Variants in TMEM117 observed in about 807,000 individuals in gnomAD.
The protein encoded by TMEM117 is transmembrane protein 117.
TMEM117 carries 27 observed loss-of-function variants against 52.4 expected under a neutral mutation model. The observed-to-expected ratio is 0.51, with a 90% CI of 0.38 to 0.71. The LOEUF is 0.71. Ranked by LOEUF, TMEM117 falls within the 30% of genes least tolerant of loss-of-function variation. The probability of loss-of-function intolerance (pLI) is 0.00; values close to 1 mark genes in which losing one functional copy is unlikely to be tolerated. For synonymous variants in TMEM117, 215 were observed against 206.3 expected, an observed-to-expected ratio of 1.04 and a Z score of -0.36; for missense variants, 556 against 630.5, an observed-to-expected ratio of 0.88 and a Z score of 1.26.
chr12:44,269,768 A>C (rs1950424447), intron 5 of TMEM117, among the ~76,000 whole-genome samples: 1 of 152,114 alleles, frequency 6.6e-6, no homozygotes, highest in South Asian at 2.1e-4. Context: ...GTCAAAACAG[A>C]TACTTATGTT....
intron 5 of TMEM117, among the ~76,000 whole-genome samples, chr12:44,246,532 A>G (rs990352672): frequency 4.6e-5 from 7 of 152,208 alleles, no homozygotes; most frequent in Admixed American, 1.3e-4. Context: ...GTTTAGTGTC[A>G]TCATTTAGAC....
intron 6 of TMEM117, among the ~76,000 whole-genome samples, chr12:44,328,993 G>A (rs1726886): frequency 0.67 from 100,767 of 151,112 alleles, 34,980 homozygotes; most frequent in East Asian, 0.9. Flanking sequence ...CACATGGGTC[G>A]CAGAAGGGAC....
At chr12:44,026,424 C>G (rs1946534310) in intron 3 of TMEM117, among the ~76,000 whole-genome samples, 5 of 152,176 alleles carry the variant, frequency 3.3e-5, no homozygotes, top group Admixed American at 2.6e-4. Flanking sequence ...TGGGTTTCCA[C>G]GTGCCTCCAA....
chr12:43,946,378 G>GTTTTTT (rs1244597058), intron 3 of TMEM117, among the ~76,000 whole-genome samples: 10 of 113,464 alleles, frequency 8.8e-5, no homozygotes, highest in South Asian at 5.0e-4. Context: ...ATATAATTCT[G>GTTTTTT]TTTTTTTTTT....
chr12:43,812,538 A>G, the TMEM117 span, among the ~76,000 whole-genome samples: 3 of 152,210 alleles, frequency 2.0e-5, no homozygotes, highest in Non-Finnish European at 4.4e-5. Flanking sequence ...GAAATGTCAA[A>G]TTCTTGTTTT....
intron 6 of TMEM117, among the ~76,000 whole-genome samples, chr12:44,374,616 TTGTGTGTG>T (rs5742462): frequency 0.023 from 3,335 of 144,874 alleles, 110 homozygotes; most frequent in African/African-American, 0.079. Context: ...AAGGAACTAT[TTGTGTGTG>T]TGTGTGTGTG....
chr12:44,151,351 C>CT (rs57930762), intron 4 of TMEM117, among the ~76,000 whole-genome samples: 2,486 of 138,948 alleles, frequency 0.018, 66 homozygotes, highest in African/African-American at 0.054. Context: ...ATGGAATTTT[C>CT]TTTTTTTTTT....
chr12:43,939,800 A>G (rs977856419), intron 2 of TMEM117, among the ~76,000 whole-genome samples: 2 of 152,154 alleles, frequency 1.3e-5, no homozygotes, highest in Non-Finnish European at 2.9e-5. Flanking sequence ...TATACCTAAG[A>G]CTGGGTAATT....
intron 4 of TMEM117, among the ~76,000 whole-genome samples, chr12:44,151,909 A>G (rs1004978379): frequency 8.1e-4 from 104 of 127,880 alleles, no homozygotes; most frequent in Admixed American, 2.9e-3. Flanking sequence ...CATTTAATAT[A>G]TAATATATAT....
intron 3 of TMEM117, among the ~76,000 whole-genome samples, chr12:44,071,951 T>G (rs1057060923): frequency 6.6e-6 from 1 of 152,196 alleles, no homozygotes; most frequent in African/African-American, 2.4e-5. Context: ...CATCCAGGCT[T>G]CTTTGATGTA....
chr12:44,135,045 ACT>A (rs1948469884), intron 3 of TMEM117, among the ~76,000 whole-genome samples: 1 of 151,392 alleles, frequency 6.6e-6, no homozygotes, highest in Admixed American at 6.6e-5. Flanking sequence ...TGCCACTCTC[ACT>A]CTCTTTCCTT....
At chr12:43,907,733 A>C (rs1233532148) in intron 2 of TMEM117, among the ~76,000 whole-genome samples, 2 of 151,946 alleles carry the variant, frequency 1.3e-5, no homozygotes, top group Non-Finnish European at 2.9e-5. Context: ...ATCAACTGGA[A>C]GAAAGAGTAT....
intron 5 of TMEM117, among the ~76,000 whole-genome samples, chr12:44,231,280 T>C (rs1949929390): frequency 6.6e-6 from 1 of 151,956 alleles, no homozygotes; most frequent in Admixed American, 6.6e-5. Flanking sequence ...ATAATAATGT[T>C]TGTAATGTTT....
chr12:44,219,505 T>A (rs17094298), intron 5 of TMEM117, among the ~76,000 whole-genome samples: 15,758 of 152,150 alleles, frequency 0.1, 924 homozygotes, highest in Middle Eastern at 0.2. Flanking sequence ...ATAGTTCAAT[T>A]TGCCAGTAAA....
intron 3 of TMEM117, among the ~76,000 whole-genome samples, chr12:44,043,718 C>T (rs541022752): frequency 2.6e-5 from 4 of 152,136 alleles, no homozygotes; most frequent in African/African-American, 9.6e-5. Flanking sequence ...CCCAGTGGGC[C>T]CCTGGAAGTG....
chr12:43,813,248 T>G, the TMEM117 span, among the ~76,000 whole-genome samples: 10 of 137,736 alleles, frequency 7.3e-5, no homozygotes, highest in African/African-American at 1.6e-4. Context: ...TTTTTTTTTT[T>G]TTTTTTTTTT....
chr12:44,092,008 AG>A (rs1331001874), intron 3 of TMEM117, among the ~76,000 whole-genome samples: 1 of 152,160 alleles, frequency 6.6e-6, no homozygotes, highest in Non-Finnish European at 1.5e-5. Context: ...AGAACTGATG[AG>A]GGGGGAAAAA....
intron 3 of TMEM117, among the ~76,000 whole-genome samples, chr12:44,103,460 T>G (rs1423493278): frequency 6.6e-6 from 1 of 151,984 alleles, no homozygotes; most frequent in Non-Finnish European, 1.5e-5. Flanking sequence ...TTGTACTTGT[T>G]TCTTATATTA....
chr12:44,350,468 T>C (rs1022846231), intron 6 of TMEM117, among the ~76,000 whole-genome samples: 14 of 152,040 alleles, frequency 9.2e-5, no homozygotes, highest in Non-Finnish European at 2.1e-4. Flanking sequence ...CCTGTTTTGC[T>C]GTCAAACTAG....
Sources: gnomAD v4.1 joint callset for allele counts (sites outside exome capture counted in the v4.1 genomes callset) on GRCh38, gnomAD v4.1.1 for gene constraint, MANE v1.5 for transcripts, NCBI Gene and HGNC (gene_info 2026-07-23, HGNC 2026-07-21) for gene names.